RABGAP1L: variants seen among roughly 807,000 people sequenced by gnomAD.
RABGAP1L encodes the protein RAB GTPase activating protein 1 like.
A neutral mutation model predicts 137.7 loss-of-function variants in RABGAP1L; 63 were observed. The observed-to-expected ratio is 0.46, with a 90% CI of 0.37 to 0.56. The LOEUF (loss-of-function observed/expected upper bound fraction) is 0.56. Ranked by LOEUF, RABGAP1L falls within the 20% of genes least tolerant of loss-of-function variation. The pLI is 0.00. For synonymous variants in RABGAP1L, 431 were observed against 433.7 expected (o/e 0.99, Z 0.08); for missense variants, 1,095 against 1,244.0 (o/e 0.88, Z 1.80).
chr1:174,383,496 G>A (rs945652257), intron 12 of RABGAP1L, among the ~76,000 whole-genome samples: 17 of 152,292 alleles, frequency 1.1e-4, no homozygotes, highest in Admixed American at 5.9e-4. Flanking sequence ...CTCGTGGTGC[G>A]CCGTTTTTTA....
intron 19 of RABGAP1L, among the ~76,000 whole-genome samples, chr1:174,886,767 C>CT (rs772581399): frequency 6.6e-6 from 1 of 151,772 alleles, no homozygotes; most frequent in African/African-American, 2.4e-5. Flanking sequence ...ATTTTCATAA[C>CT]TTTTTTCTTT....
At chr1:174,909,416 G>A (rs1206140719) in intron 19 of RABGAP1L, among the ~76,000 whole-genome samples, 4 of 152,078 alleles carry the variant, frequency 2.6e-5, no homozygotes, top group Non-Finnish European at 4.4e-5. Context: ...TTGTGGAGAT[G>A]AAGTATCACT....
At chr1:174,793,815 C>G (rs1245276702) in intron 18 of RABGAP1L, among the ~76,000 whole-genome samples, 2 of 152,002 alleles carry the variant, frequency 1.3e-5, no homozygotes, top group African/African-American at 4.8e-5. Context: ...CCTGCTTCAG[C>G]CTCTCCAGTA....
At chr1:174,651,506 A>C (rs1675485843) in intron 14 of RABGAP1L, among the ~76,000 whole-genome samples, 2 of 152,114 alleles carry the variant, frequency 1.3e-5, no homozygotes, top group African/African-American at 4.8e-5. Flanking sequence ...TTGCTTTATG[A>C]ATCTGGGTGC....
chr1:174,357,027 AG>A (rs1449789040), intron 11 of RABGAP1L, among the ~76,000 whole-genome samples: 1 of 152,152 alleles, frequency 6.6e-6, no homozygotes, highest in Non-Finnish European at 1.5e-5. Context: ...TACTCTGTGT[AG>A]TACTGGTTTT....
intron 13 of RABGAP1L, among the ~76,000 whole-genome samples, chr1:174,597,611 T>C (rs775344377): frequency 5.9e-5 from 9 of 152,110 alleles, no homozygotes; most frequent in Non-Finnish European, 1.3e-4. Flanking sequence ...TTTCTTAATC[T>C]TCCTACAGGT....
intron 19 of RABGAP1L, among the ~76,000 whole-genome samples, chr1:174,835,505 A>C (rs1553260315): frequency 2.0e-5 from 3 of 152,182 alleles, no homozygotes; most frequent in Non-Finnish European, 1.5e-5. Flanking sequence ...CATTCCTGGG[A>C]CAGAAGAGCT....
intron 13 of RABGAP1L, among the ~76,000 whole-genome samples, chr1:174,574,455 A>T (rs1668214655): frequency 6.6e-6 from 1 of 152,156 alleles, no homozygotes; most frequent in African/African-American, 2.4e-5. Context: ...CTTAGGTCTT[A>T]GGTCTAGTCT....
At chr1:174,501,284 G>T (rs1388864341) in intron 13 of RABGAP1L, among the ~76,000 whole-genome samples, 1 of 151,322 alleles carries the variant, frequency 6.6e-6, no homozygotes, top group Admixed American at 6.6e-5. Context: ...GGCCATCACG[G>T]CTCACTGCAA....
At chr1:174,720,801 CT>C (rs1681466730) in intron 17 of RABGAP1L, among the ~76,000 whole-genome samples, 1 of 152,222 alleles carries the variant, frequency 6.6e-6, no homozygotes, top group African/African-American at 2.4e-5. Context: ...AAAAAGTTTT[CT>C]TTTGGAGATG....
chr1:174,933,105 T>A, intron 19 of RABGAP1L, among the ~76,000 whole-genome samples: 1 of 152,102 alleles, frequency 6.6e-6, no homozygotes, highest in East Asian at 1.9e-4. Flanking sequence ...CATACATACA[T>A]ACATACATAC....
chr1:174,904,023 C>T (rs1282010948), intron 19 of RABGAP1L, among the ~76,000 whole-genome samples: 1 of 151,688 alleles, frequency 6.6e-6, no homozygotes. Flanking sequence ...AGCAAGCTGC[C>T]TCCACTCTCC....
intron 12 of RABGAP1L, among the ~76,000 whole-genome samples, chr1:174,375,020 T>C (rs1016436205): frequency 1.3e-5 from 2 of 152,124 alleles, no homozygotes; most frequent in Admixed American, 1.3e-4. Flanking sequence ...TGAAATTTAG[T>C]TAAAAGTCGA....
At chr1:174,495,940 G>A (rs565217510) in intron 13 of RABGAP1L, among the ~76,000 whole-genome samples, 10 of 152,134 alleles carry the variant, frequency 6.6e-5, no homozygotes, top group Middle Eastern at 3.4e-3. Context: ...GGTTGCTCTC[G>A]AACCCTGGAC....
chr1:174,206,964 A>G (rs1180812792), intron 1 of RABGAP1L, among the ~76,000 whole-genome samples: 1 of 152,110 alleles, frequency 6.6e-6, no homozygotes, highest in African/African-American at 2.4e-5. Flanking sequence ...TCTTTAAGTG[A>G]TTTAATTTAA....
At chr1:174,454,039 C>T (rs1259605818) in intron 13 of RABGAP1L, among the ~76,000 whole-genome samples, 1 of 152,060 alleles carries the variant, frequency 6.6e-6, no homozygotes, top group African/African-American at 2.4e-5. Flanking sequence ...CCGAGGCGGG[C>T]AGATCACGAA....
chr1:174,275,976 T>C, intron 9 of RABGAP1L, 41 bp downstream of exon 9: 1 of 1,509,362 alleles, frequency 6.6e-7, no homozygotes, highest in Non-Finnish European at 9.1e-7. Context: ...TGCTTTACAT[T>C]TTATATTATG....
chr1:174,833,408 G>GTATA (rs3980202), intron 19 of RABGAP1L, among the ~76,000 whole-genome samples: 1 of 67,614 alleles, frequency 1.5e-5, no homozygotes, highest in Non-Finnish European at 3.4e-5. Flanking sequence ...GTGTATGTGT[G>GTATA]TATGTGTGTG....
chr1:174,865,259 T>G (rs1651005302), intron 19 of RABGAP1L, among the ~76,000 whole-genome samples: 1 of 152,206 alleles, frequency 6.6e-6, no homozygotes, highest in Non-Finnish European at 1.5e-5. Context: ...GGGGATTATT[T>G]GAACCCAGGA....
Sources: gnomAD v4.1 joint callset for allele counts (sites outside exome capture counted in the v4.1 genomes callset) on GRCh38, gnomAD v4.1.1 for gene constraint, MANE v1.5 for transcripts, NCBI Gene and HGNC (gene_info 2026-07-23, HGNC 2026-07-21) for gene names.